AGMO: variants seen among roughly 807,000 people sequenced by gnomAD.
The protein encoded by AGMO is glyceryl-ether monooxygenase.
AGMO carries 75 observed loss-of-function variants against 60.2 expected under a neutral mutation model. The observed-to-expected ratio is 1.25, with a 90% CI of 1.03 to 1.51. The LOEUF (loss-of-function observed/expected upper bound fraction) is 1.51, where lower values mean the gene tolerates loss of function less well. Ranked by LOEUF, AGMO falls within the 40% of genes most tolerant of loss-of-function variation. AGMO has a pLI of 0.00. For synonymous variants in AGMO, 261 were observed against 177.1 expected, an observed-to-expected ratio of 1.47 and a Z score of -3.76; for missense variants, 763 against 525.5, an observed-to-expected ratio of 1.45 and a Z score of -4.42.
intron 3 of AGMO, among the ~76,000 whole-genome samples, chr7:15,449,365 C>A (rs551904508): frequency 1.7e-4 from 25 of 144,324 alleles, no homozygotes; most frequent in Non-Finnish European, 6.1e-5. Flanking sequence ...TCTCTCTGTA[C>A]ATGTATAAAC....
rs1363287878 is a variant in AGMO at position 15,464,484 on chromosome 7, A to G, written c.410-33376T>C. Among the ~76,000 whole-genome samples the G allele has an allele frequency of 2.0e-5, 3 of 152,200 alleles. No homozygotes were observed. In the East Asian group the frequency reaches 5.8e-4, roughly 29 times the overall value. ...CTTTTTAAACAAGTAAGTCGTACCAATGTTCACGAATTACTTAATTCCTCT... is the reference window on the plus strand; with the variant it reads ...CTTTTTAAACAAGTAAGTCGTACCAGTGTTCACGAATTACTTAATTCCTCT... On this transcript the variant is annotated intron_variant, in intron 3 of 12. Coordinates refer to ENST00000342526, the MANE Select transcript of AGMO (RefSeq NM_001004320.2).
At chr7:15,442,986 G>A (rs939668471) in intron 3 of AGMO, among the ~76,000 whole-genome samples, 2 of 152,178 alleles carry the variant, frequency 1.3e-5, no homozygotes, top group African/African-American at 4.8e-5. Context: ...TCAGAGGATG[G>A]CCTGGGCCAC....
At chr7:15,164,495 C>A in the AGMO span, among the ~76,000 whole-genome samples, 1 of 151,648 alleles carries the variant, frequency 6.6e-6, no homozygotes, top group Non-Finnish European at 1.5e-5. Context: ...ACTATGCCTT[C>A]ATATTCAGAA....
intron 12 of AGMO, among the ~76,000 whole-genome samples, chr7:15,330,362 G>A (rs1487904841): frequency 6.6e-6 from 1 of 152,148 alleles, no homozygotes; most frequent in African/African-American, 2.4e-5. Flanking sequence ...AAATGGGCTT[G>A]TTCTTATACA....
the AGMO span, among the ~76,000 whole-genome samples, chr7:15,176,236 A>T: frequency 6.6e-6 from 1 of 151,934 alleles, no homozygotes. Context: ...AAAGTTTTTT[A>T]TCCTGTTTCT....
chr7:15,286,403 G>C (rs1409148624), intron 12 of AGMO, among the ~76,000 whole-genome samples: 2 of 151,882 alleles, frequency 1.3e-5, no homozygotes. Context: ...CCATCAAAAA[G>C]TGGCCAAATG....
the AGMO span, among the ~76,000 whole-genome samples, chr7:15,189,365 C>T: frequency 6.6e-6 from 1 of 151,730 alleles, no homozygotes; most frequent in Non-Finnish European, 1.5e-5. Context: ...GGAAAATAGA[C>T]TCATTTTATA....
intron 3 of AGMO, among the ~76,000 whole-genome samples, chr7:15,531,216 C>A (rs1409240260): frequency 4.5e-5 from 3 of 66,272 alleles, no homozygotes; most frequent in East Asian, 9.6e-4. Context: ...TCTATATATT[C>A]TATATATATT....
chr7:15,409,377 T>C (rs1159324719), intron 5 of AGMO, among the ~76,000 whole-genome samples: 3 of 151,926 alleles, frequency 2.0e-5, no homozygotes, highest in African/African-American at 7.2e-5. Flanking sequence ...AAATGTATTG[T>C]TTGAGGAAAA....
In AGMO at chr7:15,365,594, G is replaced by A. The variant is rs80328842; in HGVS notation, c.1183C>T (p.Leu395Phe). ...AGCATTAAGAACATCAAGCAACGGAGAGTTTCCATAATAGCTGCCTTGGGT... is the reference window on the plus strand; with the variant it reads ...AGCATTAAGAACATCAAGCAACGGAAAGTTTCCATAATAGCTGCCTTGGGT... Reference protein sequence around the residue: ...QRPKAAIMETLRCLMFLMLYR... With the variant: ...QRPKAAIMETFRCLMFLMLYR... Residue 395 changes from leucine (L) to phenylalanine (F), a missense_variant, in exon 12 of 13, where the codon CTC becomes TTC. Transcript: ENST00000342526. The A allele has an allele frequency of 2.5e-6, 4 of 1,612,554 alleles. No individual in the cohort carries two copies. In the South Asian group the frequency reaches 4.4e-5, roughly 18 times the overall value.
At chr7:15,248,179 CATATATATATATATAT>C (rs71549925) in intron 12 of AGMO, among the ~76,000 whole-genome samples, 1,691 of 32,628 alleles carry the variant, frequency 0.052, 106 homozygotes, top group South Asian at 0.083. Context: ...GATCCAGCAC[CATATATATATATATAT>C]ATATATATAT....
chr7:15,446,020 CATCTT>C (rs1363155968), intron 3 of AGMO, among the ~76,000 whole-genome samples: 1 of 152,134 alleles, frequency 6.6e-6, no homozygotes, highest in Non-Finnish European at 1.5e-5. Flanking sequence ...TTGTTGAAAA[CATCTT>C]ATAATATCAT....
intron 12 of AGMO, among the ~76,000 whole-genome samples, chr7:15,243,499 G>A (rs1782655235): frequency 1.3e-5 from 2 of 152,080 alleles, no homozygotes; most frequent in South Asian, 2.1e-4. Context: ...GTTGGCGTAT[G>A]ACGGATAGCT....
intron 12 of AGMO, among the ~76,000 whole-genome samples, chr7:15,354,314 G>GTGTATATACACGCGTCTATATACACA (rs551527948): frequency 1.5e-5 from 1 of 64,762 alleles, no homozygotes. Context: ...GTGTATACAC[G>GTGTATATACACGCGTCTATATACACA]CGTGTATATA....
intron 12 of AGMO, among the ~76,000 whole-genome samples, chr7:15,289,011 T>C (rs907052023): frequency 6.6e-6 from 1 of 151,922 alleles, no homozygotes; most frequent in Non-Finnish European, 1.5e-5. Context: ...TTACCTGACA[T>C]TTTTGGCTTA....
intron 3 of AGMO, among the ~76,000 whole-genome samples, chr7:15,432,477 G>A (rs887276656): frequency 1.8e-4 from 27 of 150,974 alleles, no homozygotes; most frequent in African/African-American, 6.5e-4. Context: ...AAGAAAAAAG[G>A]TCTTGGTAAA....
downstream of AGMO, among the ~76,000 whole-genome samples, chr7:15,195,367 C>T (rs1470385040): frequency 6.6e-6 from 1 of 152,176 alleles, no homozygotes; most frequent in Non-Finnish European, 1.5e-5. Flanking sequence ...GTCTTCCGTG[C>T]CCCTGGTAAA....
rs999922807 is a variant in AGMO at position 15,408,095 on chromosome 7, T to C, written c.609+10463A>G. ...ATGAAGAATGTTTTAAAAAAGGTTA[T>C]CACAGAGAGAACATGTGCAAATACA... On this transcript the variant is annotated intron_variant, in intron 5 of 12. Coordinates refer to ENST00000342526, the MANE Select transcript of AGMO (RefSeq NM_001004320.2). Among the ~76,000 whole-genome samples the C allele has an allele frequency of 3.3e-5, 5 of 151,816 alleles. No homozygotes were observed. In the East Asian group the frequency reaches 9.6e-4, roughly 29 times the overall value.
chr7:15,545,647 T>C (rs552655065), intron 2 of AGMO, among the ~76,000 whole-genome samples: 5 of 152,222 alleles, frequency 3.3e-5, no homozygotes, highest in Admixed American at 2.6e-4. Context: ...AATAAACAAT[T>C]GTTTCTAAAA....
Sources: gnomAD v4.1 joint callset for allele counts (sites outside exome capture counted in the v4.1 genomes callset) on GRCh38, gnomAD v4.1.1 for gene constraint, MANE v1.5 for transcripts, NCBI Gene and HGNC (gene_info 2026-07-23, HGNC 2026-07-21) for gene names.